The following SPRTN variants were observed in gnomAD, a reference collection of about 807,000 sequenced individuals.
The protein encoded by SPRTN is SprT-like N-terminal domain, also known as DNA-dependent metalloprotease SPRTN.
Under a neutral mutation model 31.9 loss-of-function variants are expected in SPRTN, and 11 were observed. The ratio of observed to expected loss-of-function variants is 0.34; its 90% confidence interval spans 0.22 to 0.57. The LOEUF (loss-of-function observed/expected upper bound fraction) is 0.57, where lower values mean the gene tolerates loss of function less well. SPRTN is among the 20% of genes least tolerant of loss of function. The pLI is 0.86. For missense variants in SPRTN, 482 were observed against 590.1 expected, an observed-to-expected ratio of 0.82 and a Z score of 1.90; for synonymous variants, 185 against 212.1, an observed-to-expected ratio of 0.87 and a Z score of 1.11.
chr1:231,339,732 G>A (rs1686806306), intron 1 of SPRTN, 37 bp from the exon 2 acceptor site: 1 of 1,606,268 alleles, frequency 6.2e-7, no homozygotes, highest in Admixed American at 1.7e-5. Context: ...GGCATATTTG[G>A]CCAATGTAAC....
chr1:231,339,442 C>T (rs1461057364), intron 1 of SPRTN: 8 of 540,698 alleles, frequency 1.5e-5, no homozygotes, highest in African/African-American at 1.9e-5. Flanking sequence ...CCATGTGGTC[C>T]GCATCGTATT....
At chr1:231,339,597 C>T (rs1266944692) in intron 1 of SPRTN, 172 bp from the exon 2 acceptor site, 23 of 792,880 alleles carry the variant, frequency 2.9e-5, no homozygotes, top group African/African-American at 6.9e-5. Flanking sequence ...GGGAGGCGCC[C>T]GCGGGGGTTG....
At position 231,338,378 on chromosome 1, in the gene SPRTN, G is replaced by T; in HGVS notation, c.-6G>T. On this transcript the variant is annotated 5_prime_UTR_variant, in exon 1 of 5. Coordinates refer to ENST00000295050, the MANE Select transcript of SPRTN (RefSeq NM_032018.7). ...CCGGCGGACCCCGCCTGTGATCCTG[G>T]CAACGATGGATGATGACTTGATGTT... 6.2e-7 allele frequency: 1 copy of T among 1,613,650 alleles called. No individual in the cohort carries two copies. Among genetic ancestry groups the T allele is most frequent in the Non-Finnish European group, 8.5e-7 (1 of 1,179,650 alleles).
chr1:231,348,852 G>A lies in SPRTN; in HGVS notation c.450+927G>A, dbSNP rs376294844. Among the ~76,000 whole-genome samples, 10 of 152,290 alleles carry A rather than the reference G, an allele frequency of 6.6e-5. No homozygotes were observed. In the East Asian group the frequency reaches 1.5e-3, roughly 23 times the overall value. On this transcript the variant is annotated intron_variant, in intron 3 of 4. Coordinates refer to ENST00000295050, the MANE Select transcript of SPRTN (RefSeq NM_032018.7). ...AGTACATCTGTATAAGGTGTATAATGTACTGAATTGAATATTAATAGGATA... is the reference window on the plus strand; with the variant it reads ...AGTACATCTGTATAAGGTGTATAATATACTGAATTGAATATTAATAGGATA...
At chr1:231,340,067 A>C (rs1201519067) in intron 2 of SPRTN, 199 bp downstream of exon 2, 2 of 477,546 alleles carry the variant, frequency 4.2e-6, no homozygotes, top group Non-Finnish European at 7.3e-6. Flanking sequence ...AAAAACAAAA[A>C]AAAGGCTTCT....
intron 2 of SPRTN, among the ~76,000 whole-genome samples, chr1:231,345,931 G>T (rs931516141): frequency 2.0e-5 from 3 of 151,862 alleles, no homozygotes; most frequent in Non-Finnish European, 2.9e-5. Context: ...TCCCATCTCC[G>T]CCTCCTGAGT....
intron 2 of SPRTN, among the ~76,000 whole-genome samples, chr1:231,340,515 CAG>C (rs760278633): frequency 5.1e-4 from 77 of 152,244 alleles, no homozygotes; most frequent in Non-Finnish European, 8.8e-4. Context: ...TATTTAGAAA[CAG>C]AGAAAACAGG....
chr1:231,339,427 T>C (rs1489573217), intron 1 of SPRTN: 1 of 502,884 alleles, frequency 2.0e-6, no homozygotes, highest in Non-Finnish European at 3.8e-6. Flanking sequence ...GGAGCTGCAG[T>C]TGGGCCATGT....
chr1:231,341,331 A>AT lies in SPRTN; in HGVS notation c.321+1477dup, dbSNP rs879424796. Among the ~76,000 whole-genome samples the AT allele has an allele frequency of 8.2e-3, 1,194 of 145,140 alleles. 18 individuals are homozygous for AT. Among genetic ancestry groups the AT allele is most frequent in the African/African-American group, 0.026 (1,028 of 39,828 alleles). ...CAAAGTGGGACCAGAAGTGTTTCAG[A>AT]TTTTTTTTTTTTTTACTTTGGAATA... On this transcript the variant is annotated intron_variant, in intron 2 of 4. Coordinates refer to ENST00000295050, the MANE Select transcript of SPRTN (RefSeq NM_032018.7).
At chr1:231,347,672 G>T in intron 2 of SPRTN, 125 bp from the exon 3 acceptor site, 6 of 1,169,500 alleles carry the variant, frequency 5.1e-6, no homozygotes, top group Non-Finnish European at 5.8e-6. Flanking sequence ...CCTAGAATGA[G>T]TTTTATCAGT....
rs775537322 is a variant in SPRTN, at chr1:231,353,322, A to G, written c.1431A>G (p.Glu477=). Residue 477 remains glutamate (E), a synonymous_variant, in exon 5 of 5, where the codon GAA becomes GAG. Coordinates refer to ENST00000295050, the MANE Select transcript of SPRTN (RefSeq NM_032018.7). ...ATGAGCACTTGGACTGGTGCCTTGA[A>G]GGTGACAGCATCAAAGTCAAAAGCG... is the stretch of plus-strand genomic sequence containing the variant. The part of the protein sequence containing the change: ...QINEHLDWCL[E]GDSIKVKSEE... The G allele has an allele frequency of 3.4e-5, 54 of 1,596,060 alleles. No individual in the cohort carries two copies. Among genetic ancestry groups the G allele is most frequent in the Non-Finnish European group, 4.3e-5 (51 of 1,175,176 alleles).
At chr1:231,351,975 T>TA (rs1185356093) in intron 4 of SPRTN, 1 of 1,008,280 alleles carries the variant, frequency 9.9e-7, no homozygotes. Context: ...ATGCCCGGAA[T>TA]ATACGTCCTA....
intron 2 of SPRTN, among the ~76,000 whole-genome samples, chr1:231,341,173 C>G (rs1392791720): frequency 6.6e-6 from 1 of 151,400 alleles, no homozygotes; most frequent in Non-Finnish European, 1.5e-5. Flanking sequence ...CATGGAATGG[C>G]ATGCTAGATT....
chr1:231,351,947 AC>A, intron 4 of SPRTN: 1 of 1,013,656 alleles, frequency 9.9e-7, no homozygotes, highest in Non-Finnish European at 1.2e-6. Flanking sequence ...CAAAATAAAA[AC>A]AATAATTCAA....
intron 2 of SPRTN, among the ~76,000 whole-genome samples, chr1:231,343,820 G>A (rs577574995): frequency 7.9e-5 from 12 of 151,904 alleles, no homozygotes; most frequent in African/African-American, 2.4e-4. Flanking sequence ...ATTAAAGGAC[G>A]AATTGTACTT....
Position 231,353,328 on chromosome 1 carries a change from C to T in SPRTN, c.1437C>T (p.Asp479=). ...ACTTGGACTGGTGCCTTGAAGGTGA[C>T]AGCATCAAAGTCAAAAGCGAAGAAA... ...NEHLDWCLEG[D]SIKVKSEESL is the part of the protein sequence containing the mutation. Residue 479 remains aspartate, a synonymous_variant, in exon 5 of 5, where the codon GAC becomes GAT. Coordinates refer to ENST00000295050, the MANE Select transcript of SPRTN (RefSeq NM_032018.7). 6.3e-7 allele frequency: 1 copy of T among 1,594,586 alleles called. No homozygotes were observed. Among genetic ancestry groups the T allele is most frequent in the Non-Finnish European group, 8.5e-7 (1 of 1,174,426 alleles).
chr1:231,339,155 GTTAAGT>G (rs1323159095), intron 1 of SPRTN, among the ~76,000 whole-genome samples: 1 of 152,168 alleles, frequency 6.6e-6, no homozygotes, highest in Non-Finnish European at 1.5e-5. Context: ...CGTGAACAGG[GTTAAGT>G]TTAAGATACA....
chr1:231,344,847 C>T (rs1371878484), intron 2 of SPRTN: 3 of 223,240 alleles, frequency 1.3e-5, no homozygotes, highest in African/African-American at 4.6e-5. Flanking sequence ...GTGGAATGAG[C>T]AGTAGGTTTT....
chr1:231,352,397 G>C, intron 4 of SPRTN: 1 of 1,226,270 alleles, frequency 8.2e-7, no homozygotes, highest in Non-Finnish European at 1.0e-6. Context: ...TTAAATATGA[G>C]AGAATTTTTT....
Sources: allele counts gnomAD v4.1 joint callset (sites outside exome capture counted in the v4.1 genomes callset), GRCh38; gene constraint gnomAD v4.1.1; transcripts MANE v1.5; gene names NCBI Gene and HGNC (gene_info 2026-07-23, HGNC 2026-07-21).